TEAD1: variants seen among roughly 807,000 people sequenced by gnomAD.
TEAD1 encodes the protein TEA domain transcription factor 1, also known as transcriptional enhancer factor TEF-1.
TEAD1 carries 9 observed loss-of-function variants against 54.9 expected under a neutral mutation model. The observed-to-expected ratio is 0.16, with a 90% CI of 0.10 to 0.29. The LOEUF is 0.29. TEAD1 is among the 10% of genes least tolerant of loss of function. The pLI is 1.00. For missense variants in TEAD1, 387 were observed against 535.9 expected (o/e 0.72, Z 2.74); for synonymous variants, 200 against 187.8 (o/e 1.07, Z -0.53).
At chr11:12,886,398 C>T (rs1163800289) in intron 9 of TEAD1, among the ~76,000 whole-genome samples, 4 of 152,156 alleles carry the variant, frequency 2.6e-5, no homozygotes, top group Non-Finnish European at 5.9e-5. Context: ...TCCTTGGGAC[C>T]TTTGAGAAAG....
chr11:12,782,678 G>T (rs1590146284), intron 3 of TEAD1, among the ~76,000 whole-genome samples: 1 of 152,212 alleles, frequency 6.6e-6, no homozygotes, highest in African/African-American at 2.4e-5. Context: ...TCAGCATCAT[G>T]CTTGGCCTTG....
chr11:12,822,633 C>T (rs1317328292), intron 3 of TEAD1: 1 of 152,344 alleles, frequency 6.6e-6, no homozygotes, highest in African/African-American at 2.4e-5. Context: ...GGGCTGGAGG[C>T]TGGGAGGTGT....
intron 2 of TEAD1, among the ~76,000 whole-genome samples, chr11:12,693,440 A>G (rs1943506432): frequency 6.6e-6 from 1 of 152,218 alleles, no homozygotes; most frequent in Admixed American, 6.5e-5. Context: ...CATCCTGGAT[A>G]TTTAGAGTCA....
chr11:12,689,397 T>A (rs1943404349), intron 2 of TEAD1, among the ~76,000 whole-genome samples: 1 of 152,236 alleles, frequency 6.6e-6, no homozygotes, highest in African/African-American at 2.4e-5. Context: ...TTTCCTTCAC[T>A]TATCTGTTTG....
chr11:12,793,985 T>C (rs981713229), intron 3 of TEAD1, among the ~76,000 whole-genome samples: 4 of 152,274 alleles, frequency 2.6e-5, no homozygotes, highest in Non-Finnish European at 5.9e-5. Flanking sequence ...TGGAAGCAGC[T>C]ATTTCATTCT....
chr11:12,785,930 G>A (rs16911590), intron 3 of TEAD1, among the ~76,000 whole-genome samples: 5,248 of 152,216 alleles, frequency 0.034, 325 homozygotes, highest in African/African-American at 0.12. Context: ...TGCACGTAGC[G>A]TAAGATGGCA....
At chr11:12,688,945 T>G (rs1233403379) in intron 2 of TEAD1, among the ~76,000 whole-genome samples, 3 of 152,080 alleles carry the variant, frequency 2.0e-5, no homozygotes, top group Non-Finnish European at 4.4e-5. Flanking sequence ...GTCTTCCTCC[T>G]TTGGGTTTAG....
chr11:12,793,120 G>A (rs562764345), intron 3 of TEAD1, among the ~76,000 whole-genome samples: 1 of 146,540 alleles, frequency 6.8e-6, no homozygotes, highest in Non-Finnish European at 1.5e-5. Flanking sequence ...CTATGAAGTG[G>A]TTTTTTTTTT....
At chr11:12,806,237 A>G (rs1946169120) in intron 3 of TEAD1, among the ~76,000 whole-genome samples, 2 of 152,202 alleles carry the variant, frequency 1.3e-5, no homozygotes, top group African/African-American at 4.8e-5. Flanking sequence ...CTCCAGCTGT[A>G]TGTTGTAACA....
At chr11:12,918,771 T>C (rs141767517) in intron 10 of TEAD1, among the ~76,000 whole-genome samples, 210 of 152,340 alleles carry the variant, frequency 1.4e-3, no homozygotes, top group Non-Finnish European at 2.3e-3. Context: ...GGTGGATAGA[T>C]CGTGGCATTT....
chr11:12,877,053 A>T lies in TEAD1; in HGVS notation c.331-2655A>T, dbSNP rs183852818. On this transcript the variant is annotated intron_variant, in intron 5 of 12. Transcript: ENST00000527636. Reference sequence around the variant, plus strand: ...CAGTATCTGACATGTTTCAAATCTTAAAAAAAAGGTTAGTTGAGGAAGCTA... The same window carrying T: ...CAGTATCTGACATGTTTCAAATCTTTAAAAAAAGGTTAGTTGAGGAAGCTA... Among the ~76,000 whole-genome samples the T allele has an allele frequency of 4.4e-4, 67 of 151,926 alleles. No individual in the cohort carries two copies. In the East Asian group the frequency reaches 0.012, roughly 27 times the overall value.
chr11:12,827,232 A>C (rs1217239427), intron 3 of TEAD1, among the ~76,000 whole-genome samples: 2 of 152,222 alleles, frequency 1.3e-5, no homozygotes, highest in African/African-American at 4.8e-5. Context: ...TGACTTTACT[A>C]GTCCATGAGT....
chr11:12,904,738 T>C (rs1234767698), intron 10 of TEAD1: 1 of 183,120 alleles, frequency 5.5e-6, no homozygotes. Flanking sequence ...ATTTGCTCAG[T>C]TTTAATTTCC....
chr11:12,741,974 C>T (rs1944659654), intron 2 of TEAD1, among the ~76,000 whole-genome samples: 1 of 152,206 alleles, frequency 6.6e-6, no homozygotes, highest in Non-Finnish European at 1.5e-5. Flanking sequence ...GAGGGCCTGG[C>T]CTGCTCCTTA....
chr11:12,732,542 C>CA lies in TEAD1; in HGVS notation c.-54-31631dup, dbSNP rs1944445277. On this transcript the variant is annotated intron_variant, in intron 2 of 12. Coordinates refer to ENST00000527636, the MANE Select transcript of TEAD1 (RefSeq NM_021961.6). ...GGAGCTTCCAGTGAGGAGGAAGAGACAAAAAACTGGCCAGACCATGGGTAA... is the reference window on the plus strand; with the variant it reads ...GGAGCTTCCAGTGAGGAGGAAGAGACAAAAAAACTGGCCAGACCATGGGTAA... Among the ~76,000 whole-genome samples, 3 of 152,146 alleles carry CA rather than the reference C, an allele frequency of 2.0e-5. No individual in the cohort carries two copies. The South Asian group carries it at 6.2e-4, about 32-fold the overall frequency.
chr11:12,889,547 C>T (rs1013179020), intron 9 of TEAD1, among the ~76,000 whole-genome samples: 6 of 152,064 alleles, frequency 3.9e-5, no homozygotes, highest in Non-Finnish European at 8.8e-5. Context: ...GCGGGAGTTA[C>T]ACAACCAGAG....
chr11:12,883,920 A>G lies in TEAD1; in HGVS notation c.699+795A>G, dbSNP rs952654246. ...TGAGGCAGGATAATTGGTTGAACCC[A>G]GGAGGCGGAGGTTGCGGTGAGCCAA... On this transcript the variant is annotated intron_variant, in intron 9 of 12. Transcript: ENST00000527636. Among the ~76,000 whole-genome samples, 42 of 151,682 alleles carry G rather than the reference A, an allele frequency of 2.8e-4. 2 individuals carry two copies. The highest frequency in any genetic ancestry group is 2.6e-3 in the Admixed American group (39 of 15,222).
intron 3 of TEAD1, among the ~76,000 whole-genome samples, chr11:12,835,190 A>T (rs1475152158): frequency 6.6e-6 from 1 of 152,216 alleles, no homozygotes; most frequent in Non-Finnish European, 1.5e-5. Flanking sequence ...GCTACAAAGC[A>T]GCAGATCGGC....
chr11:12,729,802 C>T (rs1263722522), intron 2 of TEAD1, among the ~76,000 whole-genome samples: 2 of 152,170 alleles, frequency 1.3e-5, no homozygotes, highest in Non-Finnish European at 2.9e-5. Flanking sequence ...AATGCCCTCA[C>T]GATAGAGAAT....
Sources: allele counts gnomAD v4.1 joint callset (sites outside exome capture counted in the v4.1 genomes callset), GRCh38; gene constraint gnomAD v4.1.1; transcripts MANE v1.5; gene names NCBI Gene and HGNC (gene_info 2026-07-23, HGNC 2026-07-21).